The following ARSG variants were observed in gnomAD, a reference collection of about 807,000 sequenced individuals.
The protein encoded by ARSG is arylsulfatase G, also known as ASG.
Under a neutral mutation model 50.5 loss-of-function variants are expected in ARSG, and 37 were observed. The observed-to-expected ratio is 0.73, with a 90% CI of 0.56 to 0.96. The LOEUF (loss-of-function observed/expected upper bound fraction) is 0.96, where lower values mean the gene tolerates loss of function less well. Among genes scored for constraint, ARSG ranks in the 50% least tolerant of loss-of-function variants. ARSG has a pLI of 0.00. For synonymous variants in ARSG, 225 were observed against 254.6 expected, an observed-to-expected ratio of 0.88 and a Z score of 1.11; for missense variants, 629 against 675.3, an observed-to-expected ratio of 0.93 and a Z score of 0.76.
At chr17:68,308,896 C>A (rs1232586236) in intron 2 of ARSG, among the ~76,000 whole-genome samples, 3 of 152,288 alleles carry the variant, frequency 2.0e-5, no homozygotes, top group African/African-American at 7.2e-5. Context: ...GCCTGCCAGT[C>A]CCGCGCCCTG....
chr17:68,265,590 TC>T, intron 1 of ARSG, among the ~76,000 whole-genome samples: 1 of 152,298 alleles, frequency 6.6e-6, no homozygotes, highest in East Asian at 1.9e-4. Context: ...ATGAATCCTT[TC>T]CCATGGGTCA....
chr17:68,381,255 C>T lies in ARSG; in HGVS notation c.983-3809C>T, dbSNP rs1036648208. On this transcript the variant is annotated intron_variant, in intron 8 of 11. Coordinates refer to ENST00000621439, the MANE Select transcript of ARSG (RefSeq NM_001267727.2). The surrounding 1 kb of genome is among the most constrained non-coding windows in gnomAD (Gnocchi z 4.1). ...TGCATCATAAAATGCCACTTCACTT[C>T]CGTAACCAGAGAAGCACAAATAAGC... Among the ~76,000 whole-genome samples, 30 of 152,344 alleles carry T rather than the reference C, an allele frequency of 2.0e-4. 1 individual carries two copies. Among genetic ancestry groups the T allele is most frequent in the Admixed American group, 1.6e-3 (25 of 15,308 alleles).
chr17:68,299,526 A>T (rs1417201493), intron 1 of ARSG, among the ~76,000 whole-genome samples: 1 of 152,150 alleles, frequency 6.6e-6, no homozygotes, highest in Non-Finnish European at 1.5e-5. Flanking sequence ...CTCATCCTAG[A>T]TCTACAAGCC....
intron 2 of ARSG, among the ~76,000 whole-genome samples, chr17:68,309,855 G>A (rs1381361444): frequency 3.2e-5 from 4 of 124,992 alleles, no homozygotes; most frequent in Admixed American, 7.7e-5. Flanking sequence ...GTGAGACTCT[G>A]TCTAAAAAAA....
At chr17:68,444,345 C>T in the ARSG span, 1 of 695,736 alleles carries the variant, frequency 1.4e-6, no homozygotes, top group East Asian at 2.8e-5. Context: ...GAATCTGCCG[C>T]CATTAAGACA....
intron 11 of ARSG, among the ~76,000 whole-genome samples, chr17:68,403,906 T>G (rs574421577): frequency 6.6e-6 from 1 of 152,102 alleles, no homozygotes; most frequent in Admixed American, 6.5e-5. Flanking sequence ...CCCCTTCCTG[T>G]GTCCATGTGT....
At chr17:68,429,044 G>T in the ARSG span, 1 of 804,844 alleles carries the variant, frequency 1.2e-6, no homozygotes, top group African/African-American at 1.7e-5. Context: ...TTCTGCCTTT[G>T]ACAAACCCTT....
In ARSG at chr17:68,331,233, G is replaced by GTTTCTTTCTTTCTTTCTTTC. The variant is rs869049629; in HGVS notation, c.219-12359_219-12340dup. Among the ~76,000 whole-genome samples, 334 of 85,026 alleles carry GTTTCTTTCTTTCTTTCTTTC rather than the reference G, an allele frequency of 3.9e-3. 4 individuals carry two copies. The highest frequency in any genetic ancestry group is 0.017 in the African/African-American group (317 of 18,772). The allele number at this position is 85,026 out of a possible 152,430, so 55.8% of individuals were successfully genotyped here. On this transcript the variant is annotated intron_variant, in intron 2 of 11. Transcript: ENST00000621439. ...TCTTTCTTTCTTTCTTTCTTTCTTT[G>GTTTCTTTCTTTCTTTCTTTC]TTTCTTTCTTTCTTTCTTTCTTTCT... is the stretch of plus-strand genomic sequence containing the variant.
intron 11 of ARSG, among the ~76,000 whole-genome samples, chr17:68,406,472 C>T (rs777829373): frequency 3.9e-5 from 6 of 152,090 alleles, no homozygotes; most frequent in Non-Finnish European, 7.4e-5. Flanking sequence ...TTTTCCATAG[C>T]GGCTATACTA....
At position 68,397,086 on chromosome 17, in the gene ARSG, T is replaced by G. The variant is rs965475841; in HGVS notation, c.1212+1893T>G. Among the ~76,000 whole-genome samples, 23 of 152,322 alleles carry G rather than the reference T, an allele frequency of 1.5e-4. No individual in the cohort carries two copies. In the East Asian group the frequency reaches 2.7e-3, roughly 18 times the overall value. Reference sequence around the variant, plus strand: ...CTGCCTGTGGGAGCCAGCTCCTTCATGTACTAACTTCCTTTCTCAGACGGG... The same window carrying G: ...CTGCCTGTGGGAGCCAGCTCCTTCAGGTACTAACTTCCTTTCTCAGACGGG... On this transcript the variant is annotated intron_variant, in intron 10 of 11. Transcript: ENST00000621439.
intron 1 of ARSG, among the ~76,000 whole-genome samples, chr17:68,260,105 C>T (rs2144817416): frequency 6.6e-6 from 1 of 152,264 alleles, no homozygotes; most frequent in East Asian, 1.9e-4. Context: ...CTGGTATTGT[C>T]TTCAAATGCA....
intron 1 of ARSG, among the ~76,000 whole-genome samples, chr17:68,301,368 C>T (rs2076409858): frequency 6.6e-6 from 1 of 152,148 alleles, no homozygotes; most frequent in South Asian, 2.1e-4. Context: ...TCCTGGCTAT[C>T]GTGGTAACTG....
the ARSG span, among the ~76,000 whole-genome samples, chr17:68,449,214 CTTTG>C: frequency 1.9e-3 from 297 of 152,320 alleles, 2 homozygotes; most frequent in African/African-American, 6.6e-3. Context: ...TAAAGAATCT[CTTTG>C]TTTATTTACT....
chr17:68,303,284 G>C (rs1403045281), intron 1 of ARSG, among the ~76,000 whole-genome samples: 1 of 151,880 alleles, frequency 6.6e-6, no homozygotes, highest in Non-Finnish European at 1.5e-5. Flanking sequence ...ACCACCATGC[G>C]TGGCTAATTT....
At chr17:68,372,459 C>A (rs1182593183) in intron 8 of ARSG, among the ~76,000 whole-genome samples, 1 of 152,140 alleles carries the variant, frequency 6.6e-6, no homozygotes, top group African/African-American at 2.4e-5. Flanking sequence ...AGGAAACTTA[C>A]AATCATGGCA....
At chr17:68,437,067 AG>A in the ARSG span, among the ~76,000 whole-genome samples, 7 of 145,846 alleles carry the variant, frequency 4.8e-5, no homozygotes, top group African/African-American at 1.8e-4. Context: ...ATTTTACCCC[AG>A]GACTCTGAAA....
In ARSG at chr17:68,307,229, A is replaced by G. The variant is rs557305061; in HGVS notation, c.-265A>G. 1.1e-3 allele frequency: 548 copies of G among 489,088 alleles called. 1 individual carries two copies. Among genetic ancestry groups the G allele is most frequent in the Non-Finnish European group, 1.8e-3 (488 of 274,716 alleles). The allele number at this position is 489,088 out of a possible 1,614,324, so 30.3% of individuals were successfully genotyped here. On this transcript the variant is annotated 5_prime_UTR_variant, in exon 2 of 12. Transcript: ENST00000621439. ...GAGCTGCGGTGAGGAAACACTGACC[A>G]TAGAAGATCAAGCCAAATGAGGGAT...
chr17:68,307,482 G>A lies in ARSG; in HGVS notation c.-12G>A, dbSNP rs1555764669. 2 of 1,608,072 alleles carry A rather than the reference G, an allele frequency of 1.2e-6. No homozygotes were observed. Among genetic ancestry groups the A allele is most frequent in the South Asian group, 1.1e-5 (1 of 90,872 alleles). On this transcript the variant is annotated 5_prime_UTR_variant, in exon 2 of 12. Transcript: ENST00000621439. ...CGTCGCTCCAGACAATCGGAATCCTGCCTTCACCACCATGGGCTGGCTTTT... is the reference window on the plus strand; with the variant it reads ...CGTCGCTCCAGACAATCGGAATCCTACCTTCACCACCATGGGCTGGCTTTT...
At chr17:68,293,216 C>A (rs1180802954) in intron 1 of ARSG, among the ~76,000 whole-genome samples, 2 of 152,146 alleles carry the variant, frequency 1.3e-5, no homozygotes, top group Non-Finnish European at 2.9e-5. Context: ...TATTTAGGAT[C>A]TTACACTTTA....
Sources: allele counts gnomAD v4.1 joint callset (sites outside exome capture counted in the v4.1 genomes callset), GRCh38; gene constraint gnomAD v4.1.1; non-coding constraint Gnocchi (gnomAD v3.1); transcripts MANE v1.5; gene names NCBI Gene and HGNC (gene_info 2026-07-23, HGNC 2026-07-21).